ESRRG: variants seen among roughly 807,000 people sequenced by gnomAD.
ESRRG encodes the protein estrogen related receptor gamma, also known as estrogen-related receptor gamma.
ESRRG carries 13 observed loss-of-function variants against 44.0 expected under a neutral mutation model. The ratio of observed to expected loss-of-function variants is 0.30; its 90% CI spans 0.19 to 0.47. The LOEUF (loss-of-function observed/expected upper bound fraction) is 0.47. Among genes scored for constraint, ESRRG ranks in the 20% least tolerant of loss-of-function variants. The pLI is 1.00. For missense variants in ESRRG, 395 were observed against 580.6 expected (o/e 0.68, Z 3.29); for synonymous variants, 215 against 214.6 (o/e 1.00, Z -0.02).
intron 5 of ESRRG, among the ~76,000 whole-genome samples, chr1:216,550,864 C>T (rs978483182): frequency 6.6e-6 from 1 of 152,128 alleles, no homozygotes; most frequent in African/African-American, 2.4e-5. Context: ...GGTTTCAGAA[C>T]AACCATGCAT....
intron 1 of ESRRG, among the ~76,000 whole-genome samples, chr1:217,085,038 ATT>A (rs2091993769): frequency 6.6e-6 from 1 of 152,140 alleles, no homozygotes; most frequent in African/African-American, 2.4e-5. Context: ...GGGAGATGAG[ATT>A]TATCCCCAAT....
chr1:216,539,645 C>CAT (rs1451648580), intron 5 of ESRRG, among the ~76,000 whole-genome samples: 1 of 152,006 alleles, frequency 6.6e-6, no homozygotes, highest in East Asian at 1.9e-4. Context: ...TTTTTGGTTA[C>CAT]ATTTGTTCAC....
intron 2 of ESRRG, among the ~76,000 whole-genome samples, chr1:216,784,420 A>G (rs1328439976): frequency 2.0e-5 from 3 of 152,098 alleles, no homozygotes; most frequent in Non-Finnish European, 4.4e-5. Context: ...AGTAAAAGAA[A>G]GAAATCCTTA....
intron 1 of ESRRG, among the ~76,000 whole-genome samples, chr1:216,699,486 G>C (rs996912304): frequency 1.3e-5 from 2 of 152,124 alleles, no homozygotes; most frequent in Non-Finnish European, 2.9e-5. Flanking sequence ...ACCTGTCATG[G>C]AGGGCCAGAA....
intron 2 of ESRRG, among the ~76,000 whole-genome samples, chr1:216,896,991 C>CT (rs1201913050): frequency 2.6e-5 from 4 of 152,106 alleles, no homozygotes; most frequent in South Asian, 2.1e-4. Context: ...GCAGAGCCAT[C>CT]TTTTTTTGCC....
At chr1:216,984,765 C>G (rs1187270469) in intron 1 of ESRRG, among the ~76,000 whole-genome samples, 2 of 152,182 alleles carry the variant, frequency 1.3e-5, no homozygotes, top group Non-Finnish European at 2.9e-5. Context: ...GGTGACTAAT[C>G]TGCATTCCTG....
intron 5 of ESRRG, among the ~76,000 whole-genome samples, chr1:216,556,846 G>A (rs887923833): frequency 3.3e-5 from 5 of 152,114 alleles, no homozygotes; most frequent in African/African-American, 9.7e-5. Context: ...TATCATTAGC[G>A]CACAGGGTCT....
At position 216,792,553 on chromosome 1, in the gene ESRRG, T is replaced by C. The variant is rs551679162; in HGVS notation, c.-13-115062A>G. ...ATTGTTTACATATTAAAAGTAAAGA[T>C]GAGGCAGTGGCATTAGGAAGAATGC... On this transcript the variant is annotated intron_variant, in intron 2 of 7. Coordinates refer to the ESRRG transcript ENST00000359162. Among the ~76,000 whole-genome samples the C allele has an allele frequency of 2.6e-5, 4 of 152,302 alleles. No individual in the cohort carries two copies. The South Asian group carries it at 8.3e-4, about 32-fold the overall frequency.
intron 1 of ESRRG, among the ~76,000 whole-genome samples, chr1:216,685,468 T>A (rs1334583966): frequency 6.6e-6 from 1 of 152,138 alleles, no homozygotes; most frequent in Non-Finnish European, 1.5e-5. Context: ...CAATTCTGTT[T>A]TCAAGCAGTC....
At chr1:216,904,083 G>C (rs552006923) in intron 2 of ESRRG, among the ~76,000 whole-genome samples, 1 of 152,148 alleles carries the variant, frequency 6.6e-6, no homozygotes, top group Non-Finnish European at 1.5e-5. Context: ...GTTGCTGTAC[G>C]TATTAAAGAT....
chr1:216,841,630 A>T (rs1157417759), intron 2 of ESRRG, among the ~76,000 whole-genome samples: 1 of 152,128 alleles, frequency 6.6e-6, no homozygotes, highest in African/African-American at 2.4e-5. Context: ...CTGAAAGAAT[A>T]AGACAGGTAG....
chr1:217,010,291 G>A (rs2078381992), intron 1 of ESRRG, among the ~76,000 whole-genome samples: 1 of 152,080 alleles, frequency 6.6e-6, no homozygotes, highest in Non-Finnish European at 1.5e-5. Flanking sequence ...GCCAATTTCT[G>A]GGTCTGAAAA....
At position 216,823,461 on chromosome 1, in the gene ESRRG, C is replaced by T. The variant is rs370233677; in HGVS notation, c.-14+116121G>A. Among the ~76,000 whole-genome samples the T allele has an allele frequency of 2.2e-4, 33 of 152,140 alleles. No homozygotes were observed. The South Asian group carries it at 6.8e-3, about 32-fold the overall frequency. On this transcript the variant is annotated intron_variant, in intron 2 of 7. Coordinates refer to the ESRRG transcript ENST00000359162. ...TGTGTTTCTTTGGAGATTGGTATTG[C>T]AGTGGTGTGGAGATGCTGGGTTTCA... is the stretch of plus-strand genomic sequence containing the variant.
chr1:217,065,903 G>A (rs549396464), intron 1 of ESRRG, among the ~76,000 whole-genome samples: 95 of 152,190 alleles, frequency 6.2e-4, no homozygotes, highest in African/African-American at 2.1e-3. Context: ...AAGCCTTCCC[G>A]CTTCCAAGTA....
At chr1:216,537,124 A>G (rs2051210745) in intron 5 of ESRRG, among the ~76,000 whole-genome samples, 1 of 152,028 alleles carries the variant, frequency 6.6e-6, no homozygotes, top group Admixed American at 6.6e-5. Context: ...CGCCAAAGGT[A>G]TGACATTAGG....
intron 3 of ESRRG, among the ~76,000 whole-genome samples, chr1:216,625,585 T>C (rs924692878): frequency 6.6e-6 from 1 of 152,128 alleles, no homozygotes. Flanking sequence ...AGCAATATAT[T>C]GTAGTAATTA....
At chr1:217,119,050 GAGAC>G (rs1179571426) in intron 1 of ESRRG, among the ~76,000 whole-genome samples, 7 of 139,656 alleles carry the variant, frequency 5.0e-5, no homozygotes, top group Admixed American at 4.8e-4. Flanking sequence ...TAGATAGATA[GAGAC>G]ACAGATACAG....
At chr1:216,909,012 G>A (rs1215152933) in intron 2 of ESRRG, among the ~76,000 whole-genome samples, 1 of 151,938 alleles carries the variant, frequency 6.6e-6, no homozygotes, top group Non-Finnish European at 1.5e-5. Flanking sequence ...GGTCATTTCA[G>A]GCCAGATCCT....
chr1:217,116,026 G>C (rs1178604740), intron 1 of ESRRG, among the ~76,000 whole-genome samples: 1 of 152,102 alleles, frequency 6.6e-6, no homozygotes, highest in Non-Finnish European at 1.5e-5. Flanking sequence ...TATTTCACAA[G>C]GGTAATTTTT....
Sources: allele counts gnomAD v4.1 joint callset (sites outside exome capture counted in the v4.1 genomes callset), GRCh38; gene constraint gnomAD v4.1.1; transcripts MANE v1.5; gene names NCBI Gene and HGNC (gene_info 2026-07-23, HGNC 2026-07-21).